The following CELF1 variants were observed in gnomAD, a reference collection of about 807,000 sequenced individuals.
CELF1 encodes CUGBP Elav-like family member 1.
In CELF1, 10 loss-of-function variants were observed where a neutral mutation model predicts 61.8. The observed-to-expected ratio is 0.16, with a 90% CI of 0.10 to 0.27. The LOEUF is 0.27. Ranked by LOEUF, CELF1 falls within the 10% of genes least tolerant of loss-of-function variation. The probability of loss-of-function intolerance (pLI) is 1.00; values close to 1 mark genes in which losing one functional copy is unlikely to be tolerated. For synonymous variants in CELF1, 236 were observed against 225.1 expected (o/e 1.05, Z -0.43); for missense variants, 380 against 639.1 (o/e 0.59, Z 4.37).
In CELF1 at chr11:47,489,916, A is replaced by T. The variant is rs149421848; in HGVS notation, c.72-892T>A. On this transcript the variant is annotated intron_variant, in intron 3 of 14. Coordinates refer to ENST00000687097, the MANE Select transcript of CELF1 (RefSeq NM_001376376.1). ...GAATTCTTACACTATAGATGTTTCC[A>T]CTCAGAACATACCATCTTGTTTTTT... Among the ~76,000 whole-genome samples, 26 of 86,856 alleles carry T rather than the reference A, an allele frequency of 3.0e-4. No individual in the cohort carries two copies. The East Asian group carries it at 7.6e-3, about 25-fold the overall frequency. 57.0% of individuals were successfully genotyped at this position (86,856 alleles called of 152,430 possible).
At chr11:47,547,248 GTCTC>G (rs1033956228) in intron 1 of CELF1, among the ~76,000 whole-genome samples, 2 of 152,020 alleles carry the variant, frequency 1.3e-5, no homozygotes, top group African/African-American at 4.8e-5. Flanking sequence ...GTCAGTGGAC[GTCTC>G]TCTGTGATTG....
chr11:47,512,452 AT>A (rs35542082), intron 1 of CELF1, among the ~76,000 whole-genome samples: 102,684 of 112,774 alleles, frequency 0.91, 47,458 homozygotes, highest in Non-Finnish European at 0.98. Context: ...CGTGCCCAGA[AT>A]TTTTTTTTTT....
At position 47,473,265 on chromosome 11, in the gene CELF1, T is replaced by C. The variant is rs768371043; in HGVS notation, c.1274-34A>G. 2.5e-6 allele frequency: 4 copies of C among 1,600,518 alleles called. No individual in the cohort carries two copies. The South Asian group carries it at 3.4e-5, about 13-fold the overall frequency. ...TACCCAGGAATTGGAAAAGTATCAG[T>C]GTCAAACATGCTCGTCGCCCTGCAC... is the stretch of plus-strand genomic sequence containing the variant. On this transcript the variant is annotated intron_variant, in intron 13 of 14. Coordinates refer to ENST00000687097, the MANE Select transcript of CELF1 (RefSeq NM_001376376.1).
chr11:47,525,087 C>T (rs2096168239), intron 1 of CELF1, among the ~76,000 whole-genome samples: 1 of 152,104 alleles, frequency 6.6e-6, no homozygotes, highest in South Asian at 2.1e-4. Flanking sequence ...TAAAATTTAA[C>T]ATGCAAAAAA....
At position 47,482,764 on chromosome 11, in the gene CELF1, C is replaced by G. The variant is rs990265389; in HGVS notation, c.699G>C (p.Gln233His). The G allele has an allele frequency of 1.9e-6, 3 of 1,614,030 alleles. No homozygotes were observed. Among genetic ancestry groups the G allele is most frequent in the African/African-American group, 1.3e-5 (1 of 74,922 alleles). The change falls in exon 9 of 15, where the codon CAG (glutamine) becomes CAC (histidine). Residue 233 changes from glutamine to histidine, a missense_variant. Coordinates refer to ENST00000687097, the MANE Select transcript of CELF1 (RefSeq NM_001376376.1). Reference sequence around the variant, plus strand: ...CCCACACAGATGCTGCGCTGATTTGCTGCATCTGCTGCTGGAGCTGCTGGG... The same window carrying G: ...CCCACACAGATGCTGCGCTGATTTGGTGCATCTGCTGCTGGAGCTGCTGGG... ...RMAQQLQQQM[Q>H]QISAASVWGN...
In CELF1 at chr11:47,466,993, CATA is replaced by C. The variant is rs1469667884; in HGVS notation, c.*5234_*5236del. On this transcript the variant is annotated 3_prime_UTR_variant, in exon 15 of 15. Coordinates refer to ENST00000687097, the MANE Select transcript of CELF1 (RefSeq NM_001376376.1). ...TTCCCCCAGGCAGAGCGGCCTTGGG[CATA>C]ATACCAGGCAACCTGCCAGCCCCAG... 1.3e-5 allele frequency: 2 copies of C among 152,102 alleles called. No homozygotes were observed. Among genetic ancestry groups the C allele is most frequent in the African/African-American group, 2.4e-5 (1 of 41,394 alleles). 9.4% of individuals were successfully genotyped at this position (152,102 alleles called of 1,614,324 possible).
At chr11:47,531,171 C>T (rs992167443) in intron 1 of CELF1, among the ~76,000 whole-genome samples, 1 of 151,968 alleles carries the variant, frequency 6.6e-6, no homozygotes, top group African/African-American at 2.4e-5. Context: ...CACTTGAACC[C>T]GGGAGGTCGA....
At chr11:47,480,227 C>G (rs1056828014) in intron 9 of CELF1, among the ~76,000 whole-genome samples, 17 of 152,036 alleles carry the variant, frequency 1.1e-4, no homozygotes, top group African/African-American at 4.1e-4. Context: ...GCTGGGACCA[C>G]AGGTGTGTAC....
intron 1 of CELF1, among the ~76,000 whole-genome samples, chr11:47,540,580 G>C (rs992432626): frequency 6.6e-6 from 1 of 152,104 alleles, no homozygotes; most frequent in African/African-American, 2.4e-5. Context: ...CTTGCTCAGA[G>C]AGCACTCAAA....
In CELF1 at chr11:47,476,897, G is replaced by A. The variant is rs1565749100; in HGVS notation, c.1036C>T (p.Leu346=). The change falls in exon 12 of 15, where the codon CTG becomes TTG. Residue 346 remains leucine, a synonymous_variant. Transcript: ENST00000687097. ...SVNPIASLGA[L]QTLAGATAGL... ...GCCGTTGCTCCAGCTAATGTCTGCA[G>A]GGCTCCAAGTGAGGCTATGGGGTTG... is the stretch of plus-strand genomic sequence containing the variant. 1 of 1,614,226 alleles carries A rather than the reference G, an allele frequency of 6.2e-7. No homozygotes were observed. The highest frequency in any genetic ancestry group is 1.7e-5 in the Admixed American group (1 of 60,026).
Position 47,466,758 on chromosome 11 carries a change from T to A in CELF1, c.*5472A>T, listed in dbSNP as rs1319534958. 1 of 152,182 alleles carries A rather than the reference T, an allele frequency of 6.6e-6. No individual in the cohort carries two copies. Among genetic ancestry groups the A allele is most frequent in the Non-Finnish European group, 1.5e-5 (1 of 68,022 alleles). The allele number at this position is 152,182 out of a possible 1,614,324, so 9.4% of individuals were successfully genotyped here. A position where few individuals can be genotyped will look rare whatever the true frequency, so the allele number is the denominator to read the frequency against. On this transcript the variant is annotated 3_prime_UTR_variant, in exon 15 of 15. Transcript: ENST00000687097. ...GGTTTTCCCAGAGCTCCTCTTGGAA[T>A]TGAAAGCAAAATATATTGGCAAACA...
chr11:47,482,635 C>A (rs1201555824), intron 9 of CELF1, 60 bp downstream of exon 9: 14 of 1,519,860 alleles, frequency 9.2e-6, no homozygotes, highest in South Asian at 1.2e-5. Flanking sequence ...CTAGGGACAG[C>A]AGAAGAAGGA....
At chr11:47,489,237 T>C (rs534330097) in intron 3 of CELF1, among the ~76,000 whole-genome samples, 1 of 151,656 alleles carries the variant, frequency 6.6e-6, no homozygotes, top group South Asian at 2.1e-4. Context: ...ACCATTCTGA[T>C]TGGGACATCC....
Position 47,475,233 on chromosome 11 carries a change from C to T in CELF1, c.1273+103G>A, listed in dbSNP as rs991673959. 1.8e-5 allele frequency: 19 copies of T among 1,039,730 alleles called. No individual in the cohort carries two copies. The Admixed American group carries it at 3.7e-4, about 20-fold the overall frequency. The allele number at this position is 1,039,730 out of a possible 1,614,324, so 64.4% of individuals were successfully genotyped here. A position where few individuals can be genotyped will look rare whatever the true frequency, so the allele number is the denominator to read the frequency against. The stretch of plus-strand genomic sequence containing the variant: ...GACACTGTCAAAGAAAAACAATGGT[C>T]TGACGACCTAACTGGTTCCCTCAGC... On this transcript the variant is annotated intron_variant, in intron 13 of 14. Transcript: ENST00000687097.
rs555882822 is a variant in CELF1, at chr11:47,552,873, C to T, written c.-154+119G>A. ...ACGCAGGGAACGAGAAAAGGCCGCG[C>T]CCGGAGGGCCCTGTGACCCGCGGCC... On this transcript the variant is annotated intron_variant, in intron 1 of 14. Coordinates refer to ENST00000687097, the MANE Select transcript of CELF1 (RefSeq NM_001376376.1). 146 of 395,606 alleles carry T rather than the reference C, an allele frequency of 3.7e-4. 1 individual carries two copies. The highest frequency in any genetic ancestry group is 2.2e-3 in the African/African-American group (107 of 48,590). 24.5% of individuals were successfully genotyped at this position (395,606 alleles called of 1,614,324 possible).
At chr11:47,489,941 T>G (rs372799313) in intron 3 of CELF1, among the ~76,000 whole-genome samples, 1 of 109,420 alleles carries the variant, frequency 9.1e-6, no homozygotes, top group Admixed American at 9.5e-5. Context: ...TCTTGTTTTT[T>G]TTTTTTTTTT....
chr11:47,484,068 C>T (rs915212927), intron 7 of CELF1, among the ~76,000 whole-genome samples: 11 of 152,172 alleles, frequency 7.2e-5, no homozygotes, highest in Non-Finnish European at 1.0e-4. Context: ...TGCAGTGGCT[C>T]ACACCTACAA....
intron 3 of CELF1, 81 bp downstream of exon 3, chr11:47,499,372 A>C: frequency 8.6e-7 from 1 of 1,162,626 alleles, no homozygotes; most frequent in Non-Finnish European, 1.2e-6. Context: ...CCTTCTTAAA[A>C]AAAGGAACCA....
chr11:47,521,442 T>G (rs1332599796), intron 1 of CELF1, among the ~76,000 whole-genome samples: 3 of 152,142 alleles, frequency 2.0e-5, no homozygotes, highest in African/African-American at 7.2e-5. Flanking sequence ...AAACCCACAA[T>G]GTACCCTATA....
Sources: allele counts gnomAD v4.1 joint callset (sites outside exome capture counted in the v4.1 genomes callset), GRCh38; gene constraint gnomAD v4.1.1; transcripts MANE v1.5; gene names NCBI Gene and HGNC (gene_info 2026-07-23, HGNC 2026-07-21).